The following MAK variants were observed in gnomAD, a reference collection of about 807,000 sequenced individuals.
The protein encoded by MAK is serine/threonine-protein kinase MAK.
MAK carries 65 observed loss-of-function variants against 82.6 expected under a neutral mutation model. That is an observed-to-expected ratio of 0.79 (90% CI 0.64 to 0.97). The LOEUF (loss-of-function observed/expected upper bound fraction) is 0.97. Ranked by LOEUF, MAK falls within the 50% of genes least tolerant of loss-of-function variation. The pLI is 0.00. For synonymous variants in MAK, 250 were observed against 274.2 expected, an observed-to-expected ratio of 0.91 and a Z score of 0.87; for missense variants, 703 against 780.2, an observed-to-expected ratio of 0.90 and a Z score of 1.18.
rs540813740 is a variant in MAK at position 10,836,595 on chromosome 6, C to G, written c.-230+1908G>C. Among the ~76,000 whole-genome samples, 7 of 152,306 alleles carry G rather than the reference C, an allele frequency of 4.6e-5. No individual in the cohort carries two copies. The South Asian group carries it at 1.4e-3, about 32-fold the overall frequency. ...CCTTAAACACAGGCTTCCCATGGTT[C>G]TCCAGTTCACGCACAATAATATTTC... On this transcript the variant is annotated intron_variant, in intron 1 of 14. Transcript: ENST00000354489.
chr6:10,817,975 A>G lies in MAK; in HGVS notation c.157-4T>C, dbSNP rs1443206500. The G allele has an allele frequency of 4.9e-6, 7 of 1,431,166 alleles. No homozygotes were observed. The highest frequency in any genetic ancestry group is 5.8e-6 in the Non-Finnish European group (6 of 1,041,536). 88.7% of individuals were successfully genotyped at this position (1,431,166 alleles called of 1,614,324 possible). A position where few individuals can be genotyped will look rare whatever the true frequency, so the allele number is the denominator to read the frequency against. ...CATGATTAAGTTTCTTCAGAGACTG[A>G]AAAATAACAAATATGCCTTAAAATT... On this transcript the variant is annotated splice_polypyrimidine_tract_variant and splice_region_variant and intron_variant, in intron 3 of 14. Transcript: ENST00000354489.
intron 10 of MAK, among the ~76,000 whole-genome samples, chr6:10,787,694 T>TA (rs761589139): frequency 1.3e-4 from 20 of 151,098 alleles, no homozygotes; most frequent in Admixed American, 9.9e-4. Context: ...CTGTCTCTAC[T>TA]AAAAAAAATA....
In MAK at chr6:10,776,902, T is replaced by A. The variant is rs1276896086; in HGVS notation, c.1466-1443A>T. Among the ~76,000 whole-genome samples, 2 of 150,546 alleles carry A rather than the reference T, an allele frequency of 1.3e-5. No individual in the cohort carries two copies. Among genetic ancestry groups the A allele is most frequent in the Non-Finnish European group, 2.9e-5 (2 of 67,798 alleles). On this transcript the variant is annotated intron_variant, in intron 11 of 14. Coordinates refer to ENST00000354489, the MANE Select transcript of MAK (RefSeq NM_001242957.3). The surrounding 1 kb of genome is among the most constrained non-coding windows in gnomAD (Gnocchi z 4.3). ...GAGTTTGAGACCAGCTTGGCCAACA[T>A]AGTGAAACCCCATCTCTACTAAAAA...
chr6:10,796,721 G>A (rs573157714), intron 8 of MAK, among the ~76,000 whole-genome samples: 11 of 151,032 alleles, frequency 7.3e-5, no homozygotes, highest in Middle Eastern at 3.4e-3. Flanking sequence ...CATGAGAATC[G>A]CTTGAACCTG....
chr6:10,805,368 A>G (rs1471294953), intron 6 of MAK, among the ~76,000 whole-genome samples: 1 of 152,060 alleles, frequency 6.6e-6, no homozygotes, highest in Non-Finnish European at 1.5e-5. Context: ...CGGGTGAATC[A>G]TGAGGTCAGG....
chr6:10,797,808 C>T (rs1775680368), intron 8 of MAK: 1 of 1,275,338 alleles, frequency 7.8e-7, no homozygotes. Context: ...AAATGGTCTT[C>T]ATATTCTACA....
At chr6:10,801,226 A>G (rs1775993889) in intron 8 of MAK, among the ~76,000 whole-genome samples, 1 of 152,242 alleles carries the variant, frequency 6.6e-6, no homozygotes, top group African/African-American at 2.4e-5. Context: ...TTAATTTTAA[A>G]AAAAGCAAAA....
intron 2 of MAK, among the ~76,000 whole-genome samples, chr6:10,822,474 ATT>A (rs1778036635): frequency 1.3e-5 from 2 of 151,926 alleles, no homozygotes; most frequent in Admixed American, 6.6e-5. Flanking sequence ...AAAAATCTGT[ATT>A]CTCTTCATCC....
In MAK at chr6:10,793,835, G is replaced by A. The variant is rs528269774; in HGVS notation, c.1144-1988C>T. Among the ~76,000 whole-genome samples the A allele has an allele frequency of 4.6e-5, 7 of 152,182 alleles. No homozygotes were observed. The highest frequency in any genetic ancestry group is 1.0e-4 in the Non-Finnish European group (7 of 68,036). ...GATGCATCTTCCAAGGGGTCATGGGGAGGACTGTCATCGTTGGTGGCACGA... is the reference window on the plus strand; with the variant it reads ...GATGCATCTTCCAAGGGGTCATGGGAAGGACTGTCATCGTTGGTGGCACGA... On this transcript the variant is annotated intron_variant, in intron 9 of 14. Coordinates refer to ENST00000354489, the MANE Select transcript of MAK (RefSeq NM_001242957.3). This position sits in a 1 kb window ranked among gnomAD's most constrained non-coding sequence, Gnocchi z 4.6.
chr6:10,811,272 TG>T (rs1428557830), intron 5 of MAK, among the ~76,000 whole-genome samples: 2 of 152,280 alleles, frequency 1.3e-5, no homozygotes, highest in African/African-American at 4.8e-5. Flanking sequence ...GTGCTGGGAT[TG>T]CAGGCGTGAG....
intron 2 of MAK, among the ~76,000 whole-genome samples, chr6:10,821,368 C>T (rs1202478165): frequency 2.0e-5 from 3 of 152,164 alleles, no homozygotes; most frequent in African/African-American, 7.2e-5. Flanking sequence ...CTCTGTCTCC[C>T]AGGTTCAAGC....
chr6:10,829,153 C>T (rs1182550035), intron 2 of MAK: 1 of 152,212 alleles, frequency 6.6e-6, no homozygotes, highest in East Asian at 1.9e-4. Flanking sequence ...CTTCTAAATT[C>T]CTGACCCACA....
chr6:10,782,202 T>TCTCACA (rs1282004841), intron 11 of MAK, among the ~76,000 whole-genome samples: 17 of 146,054 alleles, frequency 1.2e-4, no homozygotes, highest in African/African-American at 4.1e-4. Context: ...TGAAACTCTG[T>TCTCACA]CACACACACA....
intron 10 of MAK, among the ~76,000 whole-genome samples, chr6:10,789,298 T>A (rs1321225641): frequency 6.6e-6 from 1 of 152,176 alleles, no homozygotes; most frequent in Non-Finnish European, 1.5e-5. Flanking sequence ...ACAACTGTTC[T>A]TCCTATTCTT....
At chr6:10,817,186 G>C (rs150451818) in intron 4 of MAK, among the ~76,000 whole-genome samples, 14 of 151,226 alleles carry the variant, frequency 9.3e-5, no homozygotes, top group South Asian at 2.1e-4. Flanking sequence ...TCATTACTTC[G>C]GAAAATTATT....
At chr6:10,831,213 AT>A (rs1194233451) in intron 1 of MAK, among the ~76,000 whole-genome samples, 1 of 152,148 alleles carries the variant, frequency 6.6e-6, no homozygotes, top group Non-Finnish European at 1.5e-5. Context: ...CTTTGAATCA[AT>A]TTTTGTATCA....
At chr6:10,770,789 T>C (rs1226789512) in intron 13 of MAK, among the ~76,000 whole-genome samples, 1 of 152,134 alleles carries the variant, frequency 6.6e-6, no homozygotes, top group Non-Finnish European at 1.5e-5. Flanking sequence ...TGGTGAATGC[T>C]CAATCTGGCG....
intron 5 of MAK, among the ~76,000 whole-genome samples, chr6:10,809,826 G>A (rs904317957): frequency 1.3e-5 from 2 of 152,184 alleles, no homozygotes; most frequent in Admixed American, 6.5e-5. Context: ...GGGGCCAGGC[G>A]TGGTGGCTCA....
intron 10 of MAK, chr6:10,785,002 G>A: frequency 2.2e-6 from 1 of 456,276 alleles, no homozygotes; most frequent in South Asian, 1.6e-5. Context: ...GGAAAGAAGT[G>A]CTAGAAAAGC....
Sources: allele counts gnomAD v4.1 joint callset (sites outside exome capture counted in the v4.1 genomes callset), GRCh38; gene constraint gnomAD v4.1.1; non-coding constraint Gnocchi (gnomAD v3.1); transcripts MANE v1.5; gene names NCBI Gene and HGNC (gene_info 2026-07-23, HGNC 2026-07-21).